The following PATJ variants were observed in gnomAD, a reference collection of about 807,000 sequenced individuals.
PATJ encodes the protein inaD-like protein.
In PATJ, 190 loss-of-function variants were observed where a neutral mutation model predicts 224.9. The ratio of observed to expected loss-of-function variants is 0.84; its 90% confidence interval spans 0.75 to 0.95. The LOEUF (loss-of-function observed/expected upper bound fraction) is 0.95. PATJ is among the 40% of genes least tolerant of loss of function. The pLI, the probability that PATJ is intolerant of heterozygous loss-of-function variation, is 0.00. For missense variants in PATJ, 2,121 were observed against 2,270.3 expected, an observed-to-expected ratio of 0.93 and a Z score of 1.34; for synonymous variants, 769 against 820.3, an observed-to-expected ratio of 0.94 and a Z score of 1.07.
intron 24 of PATJ, among the ~76,000 whole-genome samples, chr1:61,901,834 A>T (rs189866543): frequency 4.6e-5 from 7 of 152,286 alleles, no homozygotes; most frequent in African/African-American, 1.7e-4. Flanking sequence ...ATGCTTGTTT[A>T]GAGAAAGAAG....
intron 7 of PATJ, among the ~76,000 whole-genome samples, chr1:61,787,116 T>C (rs1298507741): frequency 1.3e-5 from 2 of 152,224 alleles, no homozygotes; most frequent in African/African-American, 2.4e-5. Flanking sequence ...CTTGTATCTT[T>C]GCTTCTATTG....
chr1:61,751,337 G>A (rs928427085), intron 1 of PATJ, among the ~76,000 whole-genome samples: 1 of 152,154 alleles, frequency 6.6e-6, no homozygotes, highest in Admixed American at 6.6e-5. Context: ...GAAGCTGGGA[G>A]TGTACAGTCG....
At chr1:61,822,009 C>T (rs113291579) in intron 14 of PATJ, among the ~76,000 whole-genome samples, 90 of 152,292 alleles carry the variant, frequency 5.9e-4, no homozygotes, top group Non-Finnish European at 1.1e-3. Flanking sequence ...AATGGATAAA[C>T]GATTGCCTTT....
chr1:61,912,289 T>C (rs1672772515), intron 25 of PATJ, among the ~76,000 whole-genome samples: 2 of 152,080 alleles, frequency 1.3e-5, no homozygotes, highest in Non-Finnish European at 2.9e-5. Context: ...GAAGAACATT[T>C]CTCTGCTATT....
intron 33 of PATJ, among the ~76,000 whole-genome samples, chr1:62,087,313 C>G (rs1168413434): frequency 6.6e-6 from 1 of 151,970 alleles, no homozygotes; most frequent in Non-Finnish European, 1.5e-5. Context: ...AGTCAAGTTG[C>G]TTCTCCTCAG....
At chr1:62,100,210 C>T in intron 33 of PATJ, 1 of 555,374 alleles carries the variant, frequency 1.8e-6, no homozygotes, top group Non-Finnish European at 3.3e-6. Flanking sequence ...TTGTGTGTCA[C>T]TATTATTTTA....
intron 4 of PATJ, among the ~76,000 whole-genome samples, chr1:61,767,678 CTTTTT>C (rs1163770714): frequency 1.5e-5 from 2 of 134,984 alleles, no homozygotes; most frequent in Non-Finnish European, 3.2e-5. Flanking sequence ...CTTTTCTTTT[CTTTTT>C]TTTTTTTTTT....
intron 6 of PATJ, among the ~76,000 whole-genome samples, chr1:61,772,793 C>G (rs949701967): frequency 6.6e-6 from 1 of 152,130 alleles, no homozygotes; most frequent in Non-Finnish European, 1.5e-5. Context: ...TCACACCAGG[C>G]AGATTCCTTT....
At chr1:62,099,834 T>C (rs1570590618) in intron 33 of PATJ, among the ~76,000 whole-genome samples, 2 of 152,328 alleles carry the variant, frequency 1.3e-5, no homozygotes, top group South Asian at 4.1e-4. Flanking sequence ...TTAGTTAATT[T>C]TTCTAACACC....
At chr1:62,138,002 G>T (rs988168233) in intron 41 of PATJ, among the ~76,000 whole-genome samples, 1 of 152,010 alleles carries the variant, frequency 6.6e-6, no homozygotes, top group African/African-American at 2.4e-5. Context: ...CAGGTCTGTG[G>T]CCTCCCCCTC....
At chr1:62,093,156 T>A (rs1028380601) in intron 33 of PATJ, among the ~76,000 whole-genome samples, 2 of 152,158 alleles carry the variant, frequency 1.3e-5, no homozygotes, top group African/African-American at 4.8e-5. Flanking sequence ...ATAGGGCAGC[T>A]ACGTTAGCAA....
chr1:62,079,563 C>CT lies in PATJ; in HGVS notation c.4240dup (p.Tyr1414LeufsTer53), dbSNP rs775944600. 6.3e-7 allele frequency: 1 copy of CT among 1,578,018 alleles called. No homozygotes were observed. Among genetic ancestry groups the CT allele is most frequent in the East Asian group, 2.2e-5 (1 of 44,668 alleles). On this transcript the variant is annotated frameshift_variant, in exon 32 of 44. Coordinates refer to ENST00000642238, the MANE Select transcript of PATJ (RefSeq NM_001350145.3). LOFTEE classifies it high-confidence loss of function. ...ATTCAACAGATGCAGACTTCACAGG[C>CT]TATGGTATGATTCTTTCTCTCAGCA... is the stretch of plus-strand genomic sequence containing the variant.
At chr1:61,848,083 A>T (rs1662247894) in intron 17 of PATJ, among the ~76,000 whole-genome samples, 1 of 152,302 alleles carries the variant, frequency 6.6e-6, no homozygotes, top group Admixed American at 6.5e-5. Context: ...GAAACTAGGG[A>T]CAAATTTGAG....
rs533870388 is a variant in PATJ at position 61,977,406 on chromosome 1, T to C, written c.3671-12762T>C. Among the ~76,000 whole-genome samples the C allele has an allele frequency of 1.9e-4, 29 of 152,212 alleles. No individual in the cohort carries two copies. The South Asian group carries it at 6.0e-3, about 32-fold the overall frequency. On this transcript the variant is annotated intron_variant, in intron 27 of 43. Transcript: ENST00000642238. ...TGCCCAGCCCAAACTGGAAATTTTT[T>C]GGATTAGTGGGTAGGTGATAAGAAA...
intron 18 of PATJ, 45 bp from the exon 19 acceptor site, chr1:61,861,506 C>T: frequency 2.2e-6 from 2 of 909,714 alleles, no homozygotes; most frequent in East Asian, 5.3e-5. Context: ...CTCCCCACCC[C>T]ACAATATTTT....
chr1:61,875,411 C>T (rs1271548696), intron 21 of PATJ, 45 bp downstream of exon 21: 3 of 1,529,914 alleles, frequency 2.0e-6, no homozygotes, highest in African/African-American at 1.4e-5. Flanking sequence ...CATTATTTTG[C>T]AAGCTTTCAG....
chr1:61,776,893 T>C (rs925077522), intron 7 of PATJ, among the ~76,000 whole-genome samples: 1 of 151,988 alleles, frequency 6.6e-6, no homozygotes, highest in African/African-American at 2.4e-5. Flanking sequence ...GCCCAGCTAA[T>C]TTTTTGTATT....
At chr1:62,052,676 C>A (rs1339141262) in intron 31 of PATJ, among the ~76,000 whole-genome samples, 1 of 150,826 alleles carries the variant, frequency 6.6e-6, no homozygotes, top group East Asian at 1.9e-4. Flanking sequence ...CAGGGGGAGG[C>A]AGAGGTTGCG....
chr1:61,899,789 G>A (rs10889269), intron 23 of PATJ, 135 bp downstream of exon 23: 124,920 of 557,582 alleles, frequency 0.22, 15,666 homozygotes, highest in South Asian at 0.39. Flanking sequence ...GCTGGCCTAC[G>A]TTTTGGTTTC....
Sources: allele counts gnomAD v4.1 joint callset (sites outside exome capture counted in the v4.1 genomes callset), GRCh38; gene constraint gnomAD v4.1.1; transcripts MANE v1.5; gene names NCBI Gene and HGNC (gene_info 2026-07-23, HGNC 2026-07-21).